Variants in PRKCH observed in about 807,000 individuals in gnomAD.
The protein encoded by PRKCH is protein kinase C eta, also known as protein kinase C eta type.
In PRKCH, 28 loss-of-function variants were observed where a neutral mutation model predicts 82.5. The ratio of observed to expected loss-of-function variants is 0.34; its 90% CI spans 0.25 to 0.47. PRKCH has a LOEUF of 0.47. Among genes scored for constraint, PRKCH ranks in the 20% least tolerant of loss-of-function variants. The probability of loss-of-function intolerance (pLI) is 1.00; values close to 1 mark genes in which losing one functional copy is unlikely to be tolerated. For synonymous variants in PRKCH, 322 were observed against 327.4 expected (o/e 0.98, Z 0.18); for missense variants, 705 against 881.8 (o/e 0.80, Z 2.54).
Position 61,321,688 on chromosome 14 carries a change from G to C in PRKCH, c.-414G>C, listed in dbSNP as rs1457064724. 1.3e-5 allele frequency: 2 copies of C among 155,060 alleles called. No individual in the cohort carries two copies. The highest frequency in any genetic ancestry group is 2.4e-5 in the African/African-American group (1 of 41,234). The allele number at this position is 155,060 out of a possible 1,614,324, so 9.6% of individuals were successfully genotyped here. A position where few individuals can be genotyped will look rare whatever the true frequency, so the allele number is the denominator to read the frequency against. ...GGGAGAGCGTGAGCCTTCGGAGGCGGGGGCAGGAGGAGAAGCAAGAGGAGG... is the reference window on the plus strand; with the variant it reads ...GGGAGAGCGTGAGCCTTCGGAGGCGCGGGCAGGAGGAGAAGCAAGAGGAGG... On this transcript the variant is annotated 5_prime_UTR_variant, in exon 1 of 14. Transcript: ENST00000332981. This position sits in a 1 kb window ranked among gnomAD's most constrained non-coding sequence, Gnocchi z 4.1.
chr14:61,338,355 A>G (rs148968608), intron 1 of PRKCH, among the ~76,000 whole-genome samples: 1 of 152,202 alleles, frequency 6.6e-6, no homozygotes, highest in Non-Finnish European at 1.5e-5. Flanking sequence ...TCAGGTACAG[A>G]TTTACTTTTT....
intron 1 of PRKCH, among the ~76,000 whole-genome samples, chr14:61,249,595 T>A (rs1277523611): frequency 1.3e-5 from 2 of 152,070 alleles, no homozygotes; most frequent in Admixed American, 6.5e-5. Context: ...GATTACCATT[T>A]GCTCCACCAA....
At chr14:61,343,951 G>C (rs1394150330) in intron 1 of PRKCH, among the ~76,000 whole-genome samples, 1 of 152,190 alleles carries the variant, frequency 6.6e-6, no homozygotes. Flanking sequence ...CACAAGGCCT[G>C]TATTTTATAA....
intron 1 of PRKCH, among the ~76,000 whole-genome samples, chr14:61,374,229 T>A (rs2046401205): frequency 1.3e-5 from 2 of 152,164 alleles, no homozygotes; most frequent in South Asian, 4.1e-4. Flanking sequence ...CCGAATGTCT[T>A]GGGCAGTTCT....
intron 10 of PRKCH, among the ~76,000 whole-genome samples, chr14:61,501,877 T>A (rs1886924335): frequency 6.6e-6 from 1 of 152,106 alleles, no homozygotes; most frequent in African/African-American, 2.4e-5. Context: ...TGTCCTTATA[T>A]GTCCTTCCAG....
chr14:61,541,093 C>T (rs1242717448), intron 12 of PRKCH, among the ~76,000 whole-genome samples: 1 of 152,266 alleles, frequency 6.6e-6, no homozygotes, highest in African/African-American at 2.4e-5. Context: ...GTGTCTCTCC[C>T]ATACTGTGCA....
intron 1 of PRKCH, among the ~76,000 whole-genome samples, chr14:61,329,981 G>A (rs2045760780): frequency 6.6e-6 from 1 of 152,184 alleles, no homozygotes; most frequent in African/African-American, 2.4e-5. Flanking sequence ...GAAATGCCAA[G>A]CCCTAGGTGA....
At chr14:61,326,671 A>G (rs1390316700) in intron 1 of PRKCH, among the ~76,000 whole-genome samples, 4 of 152,254 alleles carry the variant, frequency 2.6e-5, no homozygotes, top group Non-Finnish European at 4.4e-5. Context: ...ATGCTAGTAA[A>G]TGACAGAATT....
At chr14:61,188,197 T>C (rs2044377138) in intron 1 of PRKCH, among the ~76,000 whole-genome samples, 1 of 152,246 alleles carries the variant, frequency 6.6e-6, no homozygotes, top group African/African-American at 2.4e-5. Context: ...GGGGCACCCA[T>C]AACTGTCCTG....
Position 61,432,067 on chromosome 14 carries a change from C to CT in PRKCH, c.428-11029dup, listed in dbSNP as rs59238281. 7.2e-3 allele frequency among the ~76,000 whole-genome samples: 1,032 copies of CT among 143,726 alleles called. 6 individuals are homozygous for CT. Among genetic ancestry groups the CT allele is most frequent in the Non-Finnish European group, 0.011 (698 of 66,044 alleles). 94.3% of individuals were successfully genotyped at this position (143,726 alleles called of 152,430 possible). ...GGTTTGGAAGATAGAATCTCTCTCT[C>CT]TTTTTTTTTTTTTTTAAGTGATTAT... On this transcript the variant is annotated intron_variant, in intron 2 of 13. Transcript: ENST00000332981.
In PRKCH at chr14:61,276,586, C is replaced by T. The variant is rs112918366; in HGVS notation, c.-19+88918C>T. Among the ~76,000 whole-genome samples, 318 of 151,990 alleles carry T rather than the reference C, an allele frequency of 2.1e-3. 1 individual carries two copies. Among genetic ancestry groups the T allele is most frequent in the African/African-American group, 6.4e-3 (266 of 41,466 alleles). ...GGCCAGGCTGGTCTCGAACTCCTGACCTCAAATGATCCATCCACCTCGGCC... is the reference window on the plus strand; with the variant it reads ...GGCCAGGCTGGTCTCGAACTCCTGATCTCAAATGATCCATCCACCTCGGCC... On this transcript the variant is annotated intron_variant, in intron 1 of 3. Transcript: ENST00000555185.
At chr14:61,285,688 A>G (rs139811826) in intron 1 of PRKCH, among the ~76,000 whole-genome samples, 13 of 152,330 alleles carry the variant, frequency 8.5e-5, no homozygotes, top group Non-Finnish European at 1.5e-4. Flanking sequence ...AATTATACTC[A>G]AAGAACTGAT....
chr14:61,222,916 T>C (rs74642023), intron 1 of PRKCH, among the ~76,000 whole-genome samples: 1,973 of 152,328 alleles, frequency 0.013, 31 homozygotes, highest in African/African-American at 0.045. Context: ...GTTTCACACC[T>C]ATAACATTTA....
chr14:61,208,085 G>T (rs1481258261), intron 1 of PRKCH, among the ~76,000 whole-genome samples: 4 of 147,832 alleles, frequency 2.7e-5, no homozygotes, highest in Non-Finnish European at 6.0e-5. Context: ...TTTTTTTTTT[G>T]AAATGTCCCT....
At chr14:61,340,964 A>C (rs1389385142) in intron 1 of PRKCH, among the ~76,000 whole-genome samples, 1 of 152,048 alleles carries the variant, frequency 6.6e-6, no homozygotes, top group African/African-American at 2.4e-5. Flanking sequence ...TCTTTTCCCC[A>C]CAATTACCAC....
intron 2 of PRKCH, among the ~76,000 whole-genome samples, chr14:61,396,219 C>G (rs577502480): frequency 6.6e-6 from 1 of 151,866 alleles, no homozygotes; most frequent in Non-Finnish European, 1.5e-5. Context: ...CTGCCATAAG[C>G]TCAGATTCTA....
intron 10 of PRKCH, 102 bp from the exon 11 acceptor site, chr14:61,528,973 C>CGTGGGTGT: frequency 1.8e-6 from 1 of 565,716 alleles, no homozygotes; most frequent in Non-Finnish European, 2.6e-6. Flanking sequence ...TGTGGCCGCA[C>CGTGGGTGT]GTGTGTGTGT....
At chr14:61,528,035 C>G (rs370984255) in intron 10 of PRKCH, 1 of 152,190 alleles carries the variant, frequency 6.6e-6, no homozygotes, top group Non-Finnish European at 1.5e-5. Context: ...ATACCTTCAT[C>G]GTGCCACTAG....
intron 2 of PRKCH, among the ~76,000 whole-genome samples, chr14:61,432,065 CTCTT>C (rs944297183): frequency 7.5e-5 from 7 of 93,810 alleles, no homozygotes; most frequent in Admixed American, 4.7e-4. Flanking sequence ...GAATCTCTCT[CTCTT>C]TTTTTTTTTT....
Sources: gnomAD v4.1 joint callset for allele counts (sites outside exome capture counted in the v4.1 genomes callset) on GRCh38, gnomAD v4.1.1 for gene constraint, Gnocchi (gnomAD v3.1) non-coding constraint, MANE v1.5 for transcripts, NCBI Gene and HGNC (gene_info 2026-07-23, HGNC 2026-07-21) for gene names.